Variants in ENTPD5 observed in about 807,000 individuals in gnomAD.
ENTPD5 encodes nucleoside diphosphate phosphatase ENTPD5.
In ENTPD5, 49 loss-of-function variants were observed where a neutral mutation model predicts 60.2. That is an observed-to-expected ratio of 0.81 (90% confidence interval 0.65 to 1.03). The LOEUF is 1.03. Among genes scored for constraint, ENTPD5 ranks in the 50% least tolerant of loss-of-function variants. The pLI, the probability that ENTPD5 is intolerant of heterozygous loss-of-function variation, is 0.00. For synonymous variants in ENTPD5, 187 were observed against 185.4 expected (o/e 1.01, Z -0.07); for missense variants, 480 against 507.6 (o/e 0.95, Z 0.52).
intron 3 of ENTPD5, among the ~76,000 whole-genome samples, chr14:74,000,019 C>T (rs1405959150): frequency 7.0e-5 from 10 of 143,676 alleles, no homozygotes; most frequent in Non-Finnish European, 1.3e-4. Context: ...ACCCAGGGGG[C>T]GGAGGTTGCA....
At chr14:73,987,396 T>A (rs1260388397) in intron 4 of ENTPD5, among the ~76,000 whole-genome samples, 1 of 152,128 alleles carries the variant, frequency 6.6e-6, no homozygotes, top group Non-Finnish European at 1.5e-5. Flanking sequence ...AATTAAACCA[T>A]GTGTTCTGGC....
At chr14:74,000,874 C>T (rs1458520740) in intron 3 of ENTPD5, among the ~76,000 whole-genome samples, 2 of 151,908 alleles carry the variant, frequency 1.3e-5, no homozygotes, top group Admixed American at 1.3e-4. Context: ...TGTATAAAGA[C>T]CAGAGAGATT....
chr14:73,978,227 C>T (rs534197381), intron 6 of ENTPD5, among the ~76,000 whole-genome samples: 2 of 152,200 alleles, frequency 1.3e-5, no homozygotes, highest in East Asian at 3.9e-4. Flanking sequence ...TTTTCTCCCC[C>T]ATCCTACAGT....
downstream of ENTPD5, among the ~76,000 whole-genome samples, chr14:73,957,611 G>A (rs1384317278): frequency 6.6e-6 from 1 of 151,982 alleles, no homozygotes; most frequent in Non-Finnish European, 1.5e-5. Flanking sequence ...TTAATTTTTT[G>A]TAAAGATGGG....
At chr14:74,011,721 A>G (rs1017900074) in intron 2 of ENTPD5, among the ~76,000 whole-genome samples, 2 of 152,126 alleles carry the variant, frequency 1.3e-5, no homozygotes, top group Admixed American at 1.3e-4. Context: ...TTGCTTGAAT[A>G]TGGGAAGTCG....
chr14:74,001,210 T>C lies in ENTPD5; in HGVS notation c.-71+9881A>G, dbSNP rs1022660497. Among the ~76,000 whole-genome samples, 20 of 151,490 alleles carry C rather than the reference T, an allele frequency of 1.3e-4. 2 individuals are homozygous for C. The highest frequency in any genetic ancestry group is 1.2e-3 in the Admixed American group (18 of 15,214). ...CTATCTCTACAAAATATTAAAAAAT[T>C]AGCAGGGTGTGTCTGGGCGCAGTGG... On this transcript the variant is annotated intron_variant, in intron 3 of 15. Coordinates refer to ENST00000334696, the MANE Select transcript of ENTPD5 (RefSeq NM_001249.5).
rs961075013 is a variant in ENTPD5 at position 73,972,722 on chromosome 14, C to T, written c.1027+162G>A. On this transcript the variant is annotated intron_variant, in intron 13 of 15. Coordinates refer to ENST00000334696, the MANE Select transcript of ENTPD5 (RefSeq NM_001249.5). ...ATATAGTTGTTTTGGTCATCTCTCA[C>T]CTCCAAAAGACTCTAAGTCATTTCC... Among the ~76,000 whole-genome samples the T allele has an allele frequency of 5.3e-5, 8 of 152,108 alleles. No individual in the cohort carries two copies. In the East Asian group the frequency reaches 1.3e-3, roughly 26 times the overall value.
In ENTPD5 at chr14:73,982,224, G is replaced by A. The variant is rs188828788; in HGVS notation, c.441+794C>T. On this transcript the variant is annotated intron_variant, in intron 6 of 15. Coordinates refer to ENST00000334696, the MANE Select transcript of ENTPD5 (RefSeq NM_001249.5). Reference sequence around the variant, plus strand: ...TGAGTAGCTGGGACTACAGGCGTGCGCCACAATGCCCAGCTAATTTTTGTA... The same window carrying A: ...TGAGTAGCTGGGACTACAGGCGTGCACCACAATGCCCAGCTAATTTTTGTA... Among the ~76,000 whole-genome samples the A allele has an allele frequency of 6.0e-4, 91 of 152,052 alleles. 1 individual carries two copies. Among genetic ancestry groups the A allele is most frequent in the Admixed American group, 1.8e-3 (28 of 15,266 alleles).
intron 2 of ENTPD5, among the ~76,000 whole-genome samples, chr14:74,012,389 G>A (rs1318804444): frequency 6.6e-6 from 1 of 152,168 alleles, no homozygotes; most frequent in Non-Finnish European, 1.5e-5. Context: ...TTATAGGCAT[G>A]AGCCACCGGT....
intron 3 of ENTPD5, among the ~76,000 whole-genome samples, chr14:73,999,784 T>G (rs1481343411): frequency 6.9e-6 from 1 of 145,726 alleles, no homozygotes; most frequent in African/African-American, 2.6e-5. Flanking sequence ...AGGGCGAGAC[T>G]CCGTCTCAAA....
intron 3 of ENTPD5, among the ~76,000 whole-genome samples, chr14:73,996,955 AC>A (rs2058359256): frequency 6.6e-6 from 1 of 152,086 alleles, no homozygotes; most frequent in Admixed American, 6.6e-5. Context: ...AAACAAACTA[AC>A]AAAACCCAGA....
chr14:74,006,235 T>C (rs1167552778), intron 3 of ENTPD5, among the ~76,000 whole-genome samples: 1 of 151,878 alleles, frequency 6.6e-6, no homozygotes, highest in Non-Finnish European at 1.5e-5. Context: ...TCCACCTACC[T>C]TGGACTCCCA....
intron 15 of ENTPD5, among the ~76,000 whole-genome samples, chr14:73,969,115 T>C (rs149861604): frequency 6.6e-6 from 1 of 152,366 alleles, no homozygotes; most frequent in Non-Finnish European, 1.5e-5. Flanking sequence ...ACTGAGCTAA[T>C]GCAAATGGCC....
At chr14:74,017,791 G>A (rs1320789688) in intron 1 of ENTPD5, among the ~76,000 whole-genome samples, 2 of 149,590 alleles carry the variant, frequency 1.3e-5, no homozygotes, top group Non-Finnish European at 3.0e-5. Flanking sequence ...GGCTGAGGCA[G>A]GAGAATTGCT....
intron 3 of ENTPD5, 55 bp from the exon 4 acceptor site, chr14:73,988,227 T>C: frequency 7.0e-7 from 1 of 1,433,240 alleles, no homozygotes; most frequent in Non-Finnish European, 9.2e-7. Flanking sequence ...GTTACACCTG[T>C]AAAAGAAGAA....
intron 3 of ENTPD5, among the ~76,000 whole-genome samples, chr14:74,003,819 G>A (rs2058583697): frequency 6.6e-6 from 1 of 152,154 alleles, no homozygotes; most frequent in African/African-American, 2.4e-5. Flanking sequence ...AAAATTGGCT[G>A]GGCATGGTGC....
At chr14:74,001,853 AAATAAT>A (rs2058522358) in intron 3 of ENTPD5, among the ~76,000 whole-genome samples, 1 of 152,030 alleles carries the variant, frequency 6.6e-6, no homozygotes, top group African/African-American at 2.4e-5. Context: ...ACCCTGTCTC[AAATAAT>A]AATAATTAAA....
intron 2 of ENTPD5, among the ~76,000 whole-genome samples, chr14:74,014,845 C>T (rs1341980445): frequency 2.6e-5 from 4 of 152,036 alleles, no homozygotes; most frequent in Non-Finnish European, 5.9e-5. Flanking sequence ...TTTGGGAAGC[C>T]GAGGCAGGCA....
At chr14:73,989,507 G>C (rs1201478078) in intron 3 of ENTPD5, among the ~76,000 whole-genome samples, 4 of 150,976 alleles carry the variant, frequency 2.6e-5, no homozygotes, top group Admixed American at 2.6e-4. Flanking sequence ...AGACCAGCCT[G>C]GCCAACATGG....
Sources: allele counts gnomAD v4.1 joint callset (sites outside exome capture counted in the v4.1 genomes callset), GRCh38; gene constraint gnomAD v4.1.1; transcripts MANE v1.5; gene names NCBI Gene and HGNC (gene_info 2026-07-23, HGNC 2026-07-21).